The following DRICH1 variants were observed in gnomAD, a reference collection of about 807,000 sequenced individuals.
DRICH1 encodes the protein aspartate-rich protein 1.
Under a neutral mutation model 39.5 loss-of-function variants are expected in DRICH1, and 38 were observed. The observed-to-expected ratio is 0.96, with a 90% CI of 0.74 to 1.26. The LOEUF (loss-of-function observed/expected upper bound fraction) is 1.26, where lower values mean the gene tolerates loss of function less well. DRICH1 is among the 50% of genes most tolerant of loss of function. The pLI is 0.00. For missense variants in DRICH1, 279 were observed against 270.4 expected, an observed-to-expected ratio of 1.03 and a Z score of -0.22; for synonymous variants, 84 against 99.5, an observed-to-expected ratio of 0.84 and a Z score of 0.93.
At chr22:23,599,794 C>A in the DRICH1 span, among the ~76,000 whole-genome samples, 1 of 152,182 alleles carries the variant, frequency 6.6e-6, no homozygotes, top group Non-Finnish European at 1.5e-5. Flanking sequence ...GTATCCCCTG[C>A]CCCTCATCGT....
chr22:23,598,743 AG>A, the DRICH1 span, among the ~76,000 whole-genome samples: 2 of 152,206 alleles, frequency 1.3e-5, no homozygotes, highest in African/African-American at 2.4e-5. Context: ...GGAATGGTAA[AG>A]GGAGGTCACC....
intron 2 of DRICH1, among the ~76,000 whole-genome samples, chr22:23,625,123 CAATGCCT>C (rs1272341109): frequency 1.3e-5 from 2 of 152,190 alleles, no homozygotes; most frequent in Non-Finnish European, 2.9e-5. Context: ...GGTAAATGCA[CAATGCCT>C]AATTTAAAGA....
intron 4 of DRICH1, 146 bp from the exon 5 acceptor site, chr22:23,620,761 A>G (rs1602342862): frequency 1.1e-6 from 1 of 882,288 alleles, no homozygotes; most frequent in East Asian, 2.4e-5. Flanking sequence ...ATTCTAGCAT[A>G]GAGAACACCT....
At chr22:23,607,772 A>AG (rs568632608), downstream of DRICH1, among the ~76,000 whole-genome samples, 66 of 152,252 alleles carry the variant, frequency 4.3e-4, no homozygotes, top group Non-Finnish European at 9.0e-4. Flanking sequence ...CTGAAAATGC[A>AG]GCCTCCCCAG....
the DRICH1 span, among the ~76,000 whole-genome samples, chr22:23,596,162 T>TCC: frequency 6.6e-6 from 1 of 152,232 alleles, no homozygotes; most frequent in Non-Finnish European, 1.5e-5. Context: ...ATCTCCTTTC[T>TCC]GTCTCTTCTG....
intron 1 of DRICH1, among the ~76,000 whole-genome samples, chr22:23,630,304 G>A (rs999097413): frequency 2.0e-5 from 3 of 152,172 alleles, no homozygotes; most frequent in Admixed American, 6.5e-5. Flanking sequence ...TCACGGTGGA[G>A]TGATGACACG....
downstream of DRICH1, among the ~76,000 whole-genome samples, chr22:23,605,948 C>T (rs976554866): frequency 6.6e-5 from 10 of 151,778 alleles, no homozygotes; most frequent in Non-Finnish European, 1.3e-4. Flanking sequence ...ATTGTGTGCA[C>T]CTGTGAGCCC....
intron 2 of DRICH1, 91 bp downstream of exon 2, chr22:23,625,890 C>A: frequency 9.8e-7 from 1 of 1,017,058 alleles, no homozygotes; most frequent in Non-Finnish European, 1.5e-6. Context: ...CTGCAGGCCT[C>A]TGAGTCCATT....
Position 23,613,656 on chromosome 22 carries a change from G to A in DRICH1, c.626C>T (p.Thr209Ile), listed in dbSNP as rs778896267. 8.7e-6 allele frequency: 14 copies of A among 1,601,052 alleles called. No homozygotes were observed. The African/African-American group carries it at 1.7e-4, about 20-fold the overall frequency. ...EEEDDDDIHI[T>I]ARIESDLTLE... ...GTACATACCACTTTCTATCCGAGCT[G>A]TTATCTGCAATTATATAAAAGAAAA... The change falls in exon 10 of 12, where the codon ACA becomes ATA. Residue 209 changes from threonine to isoleucine, a missense_variant. By Grantham distance (89) the Thr-to-Ile change is moderately conservative. Coordinates refer to ENST00000317749, the MANE Select transcript of DRICH1 (RefSeq NM_016449.4).
At chr22:23,600,106 G>A in the DRICH1 span, among the ~76,000 whole-genome samples, 2 of 152,294 alleles carry the variant, frequency 1.3e-5, no homozygotes, top group South Asian at 2.1e-4. Context: ...CCAGTCTGAA[G>A]TCCTGTCCAT....
chr22:23,612,220 C>A (rs1158499029), intron 11 of DRICH1, among the ~76,000 whole-genome samples: 1 of 151,844 alleles, frequency 6.6e-6, no homozygotes. Flanking sequence ...AATCCAAGCA[C>A]TTTGGGAGGC....
Position 23,616,863 on chromosome 22 carries a change from T to A in DRICH1, c.531A>T (p.Ser177=), listed in dbSNP as rs1569090228. The A allele has an allele frequency of 6.2e-7, 1 of 1,614,056 alleles. No homozygotes were observed. The highest frequency in any genetic ancestry group is 8.5e-7 in the Non-Finnish European group (1 of 1,179,934). ...DDDDDAQILP[S]PVQACSEDSL... ...GTTCAAGGTACATACCCTGGACAGG[T>A]GACGGTAAAATCTGCAATGAGATAA... The change falls in exon 8 of 12, where the codon TCA becomes TCT. Residue 177 remains serine (S), a synonymous_variant. Transcript: ENST00000317749.
chr22:23,585,109 C>G, the DRICH1 span, among the ~76,000 whole-genome samples: 1 of 152,036 alleles, frequency 6.6e-6, no homozygotes, highest in Non-Finnish European at 1.5e-5. Context: ...CTCTCTCTCT[C>G]CTTCCTTTCC....
intron 6 of DRICH1, 35 bp from the exon 7 acceptor site, chr22:23,617,692 T>A: frequency 6.3e-7 from 1 of 1,592,960 alleles, no homozygotes; most frequent in Non-Finnish European, 8.5e-7. Flanking sequence ...CGTGCCCTGG[T>A]TGTTTGTGAC....
intron 3 of DRICH1, chr22:23,624,434 CTTCTATTTACTTTTTCTTTTTCTGT>C: frequency 1.3e-6 from 1 of 746,712 alleles, no homozygotes; most frequent in South Asian, 6.1e-5. Flanking sequence ...ACAAACTCAG[CTTCTATTTACTTTTTCTTTTTCTGT>C]TTCTACACCC....
intron 11 of DRICH1, among the ~76,000 whole-genome samples, chr22:23,612,261 T>C (rs1461902074): frequency 6.6e-6 from 1 of 150,996 alleles, no homozygotes; most frequent in East Asian, 2.0e-4. Context: ...AGCTGAGGAG[T>C]TCCTGACTAG....
intron 9 of DRICH1, 31 bp downstream of exon 9, chr22:23,614,104 G>A: frequency 7.0e-7 from 1 of 1,420,416 alleles, no homozygotes; most frequent in Non-Finnish European, 9.9e-7. Flanking sequence ...AAGCAACATT[G>A]CTGTAGAAGA....
chr22:23,614,806 C>G (rs142038475), intron 8 of DRICH1, among the ~76,000 whole-genome samples: 3 of 150,278 alleles, frequency 2.0e-5, no homozygotes, highest in African/African-American at 7.5e-5. Flanking sequence ...TCTACACACA[C>G]TTTTGGACAG....
intron 8 of DRICH1, among the ~76,000 whole-genome samples, chr22:23,615,109 C>T (rs553667074): frequency 3.2e-4 from 49 of 152,296 alleles, no homozygotes; most frequent in Non-Finnish European, 5.3e-4. Flanking sequence ...CACTCTGGCT[C>T]AGACCTGTAA....
Sources: gnomAD v4.1 joint callset for allele counts (sites outside exome capture counted in the v4.1 genomes callset) on GRCh38, gnomAD v4.1.1 for gene constraint, MANE v1.5 for transcripts, NCBI Gene and HGNC (gene_info 2026-07-23, HGNC 2026-07-21) for gene names.